The following FBXL7 variants were observed in gnomAD, a reference collection of about 807,000 sequenced individuals.
The protein encoded by FBXL7 is F-box and leucine rich repeat protein 7, also known as F-box/LRR-repeat protein 7.
In FBXL7, 12 loss-of-function variants were observed where a neutral mutation model predicts 38.3. The ratio of observed to expected loss-of-function variants is 0.31; its 90% confidence interval spans 0.20 to 0.51. The LOEUF (loss-of-function observed/expected upper bound fraction) is 0.51, where lower values mean the gene tolerates loss of function less well. Ranked by LOEUF, FBXL7 falls within the 20% of genes least tolerant of loss-of-function variation. FBXL7 has a pLI of 0.98. For missense variants in FBXL7, 567 were observed against 676.4 expected (o/e 0.84, Z 1.79); for synonymous variants, 297 against 300.9 (o/e 0.99, Z 0.13).
intron 2 of FBXL7, among the ~76,000 whole-genome samples, chr5:15,705,245 G>A (rs1375262293): frequency 6.6e-6 from 1 of 152,204 alleles, no homozygotes; most frequent in Non-Finnish European, 1.5e-5. Flanking sequence ...AGGAATGAGA[G>A]TTTTCAAGGG....
intron 2 of FBXL7, among the ~76,000 whole-genome samples, chr5:15,624,443 A>G (rs1426079775): frequency 2.0e-5 from 3 of 152,222 alleles, no homozygotes; most frequent in Admixed American, 1.3e-4. Context: ...ACCCGAAGAT[A>G]ACTTTGCCAT....
intron 2 of FBXL7, among the ~76,000 whole-genome samples, chr5:15,675,351 G>T (rs898978469): frequency 3.9e-5 from 6 of 152,172 alleles, no homozygotes; most frequent in Admixed American, 1.3e-4. Context: ...AATGGAAGGT[G>T]TACAACTTAC....
chr5:15,854,714 C>T (rs1403602945), intron 2 of FBXL7, among the ~76,000 whole-genome samples: 1 of 152,122 alleles, frequency 6.6e-6, no homozygotes, highest in Non-Finnish European at 1.5e-5. Flanking sequence ...TGAAACAGGT[C>T]ATTTTGGCTG....
chr5:15,840,083 G>A (rs1055718163), intron 2 of FBXL7, among the ~76,000 whole-genome samples: 1 of 151,848 alleles, frequency 6.6e-6, no homozygotes, highest in Non-Finnish European at 1.5e-5. Flanking sequence ...TATTTCTTAG[G>A]CTGAAATGAC....
chr5:15,630,346 A>G (rs1228721466), intron 2 of FBXL7, among the ~76,000 whole-genome samples: 1 of 152,154 alleles, frequency 6.6e-6, no homozygotes, highest in East Asian at 1.9e-4. Flanking sequence ...AATTGTTTTA[A>G]TTCTTCATCT....
intron 1 of FBXL7, among the ~76,000 whole-genome samples, chr5:15,527,277 T>G (rs1025817468): frequency 2.6e-5 from 4 of 152,232 alleles, no homozygotes; most frequent in Non-Finnish European, 5.9e-5. Flanking sequence ...ATTTAATTAT[T>G]ATAGTCGAGT....
At chr5:15,588,900 C>CT (rs560060970) in intron 1 of FBXL7, among the ~76,000 whole-genome samples, 1 of 152,088 alleles carries the variant, frequency 6.6e-6, no homozygotes, top group Non-Finnish European at 1.5e-5. Flanking sequence ...CAACCTCTTT[C>CT]TTTTTTTAAA....
rs1318548360 is a variant in FBXL7, at chr5:15,500,606, G to C, written c.-71G>C. On this transcript the variant is annotated 5_prime_UTR_variant, in exon 1 of 4. Coordinates refer to ENST00000504595, the MANE Select transcript of FBXL7 (RefSeq NM_012304.5). ...CGGTCCCGTCGGGCGGGCTTTCCTCGGGCCGAGCGCGCAGGACGTGCGCCG... is the reference window on the plus strand; with the variant it reads ...CGGTCCCGTCGGGCGGGCTTTCCTCCGGCCGAGCGCGCAGGACGTGCGCCG... 10 of 1,607,910 alleles carry C rather than the reference G, an allele frequency of 6.2e-6. No homozygotes were observed. Among genetic ancestry groups the C allele is most frequent in the Non-Finnish European group, 8.5e-6 (10 of 1,174,868 alleles).
intron 2 of FBXL7, among the ~76,000 whole-genome samples, chr5:15,641,941 T>TGTG (rs1741378967): frequency 1.4e-5 from 2 of 141,522 alleles, no homozygotes; most frequent in East Asian, 4.1e-4. Flanking sequence ...ACATAAAACC[T>TGTG]TGTGTGTGTG....
chr5:15,827,579 C>T (rs576796005), intron 2 of FBXL7, among the ~76,000 whole-genome samples: 6 of 152,002 alleles, frequency 3.9e-5, no homozygotes, highest in East Asian at 1.9e-4. Flanking sequence ...CATCATATGG[C>T]GAAAGGCAGC....
At chr5:15,889,651 T>G (rs1444345889) in intron 2 of FBXL7, among the ~76,000 whole-genome samples, 1 of 152,146 alleles carries the variant, frequency 6.6e-6, no homozygotes, top group African/African-American at 2.4e-5. Flanking sequence ...CCATATCAAT[T>G]AAATCATGGT....
chr5:15,803,445 A>G (rs567600050), intron 2 of FBXL7, among the ~76,000 whole-genome samples: 5 of 152,196 alleles, frequency 3.3e-5, no homozygotes, highest in East Asian at 3.8e-4. Flanking sequence ...TTATCTTGCT[A>G]TCAATTTCGT....
At chr5:15,618,073 C>T (rs1269379619) in intron 2 of FBXL7, among the ~76,000 whole-genome samples, 1 of 152,050 alleles carries the variant, frequency 6.6e-6, no homozygotes, top group Non-Finnish European at 1.5e-5. Context: ...GCTTTTTATG[C>T]TTCCAAAGGG....
At chr5:15,676,699 C>G (rs577426862) in intron 2 of FBXL7, among the ~76,000 whole-genome samples, 5 of 152,268 alleles carry the variant, frequency 3.3e-5, no homozygotes, top group African/African-American at 9.6e-5. Context: ...AAGAGCAGGG[C>G]CATAGGTGGC....
At chr5:15,782,618 T>G (rs1737027507) in intron 2 of FBXL7, among the ~76,000 whole-genome samples, 2 of 152,118 alleles carry the variant, frequency 1.3e-5, no homozygotes, top group African/African-American at 4.8e-5. Flanking sequence ...TTTTCTTAAG[T>G]GAGGAGCTTA....
intron 3 of FBXL7, among the ~76,000 whole-genome samples, chr5:15,934,384 A>G (rs1016709482): frequency 6.6e-6 from 1 of 152,196 alleles, no homozygotes; most frequent in African/African-American, 2.4e-5. Flanking sequence ...TATTAGTTAC[A>G]TTAATATACC....
At chr5:15,798,386 G>T (rs1349089710) in intron 2 of FBXL7, among the ~76,000 whole-genome samples, 4 of 152,050 alleles carry the variant, frequency 2.6e-5, no homozygotes, top group African/African-American at 9.7e-5. Context: ...CTTTTCTTTG[G>T]ATTAATTTAA....
chr5:15,635,276 G>A (rs1421538093), intron 2 of FBXL7, among the ~76,000 whole-genome samples: 2 of 152,154 alleles, frequency 1.3e-5, no homozygotes, highest in African/African-American at 4.8e-5. Context: ...AGCTGGAACT[G>A]TTGCTCAGAG....
At chr5:15,603,486 C>G (rs1450439109) in intron 1 of FBXL7, among the ~76,000 whole-genome samples, 2 of 152,218 alleles carry the variant, frequency 1.3e-5, no homozygotes, top group Non-Finnish European at 2.9e-5. Flanking sequence ...GCTCAACCAT[C>G]CAGTTAGTAA....
Sources: allele counts gnomAD v4.1 joint callset (sites outside exome capture counted in the v4.1 genomes callset), GRCh38; gene constraint gnomAD v4.1.1; transcripts MANE v1.5; gene names NCBI Gene and HGNC (gene_info 2026-07-23, HGNC 2026-07-21).